STK35: variants seen among roughly 807,000 people sequenced by gnomAD.
STK35 encodes serine/threonine-protein kinase 35.
A neutral mutation model predicts 37.3 loss-of-function variants in STK35; 17 were observed. That is an observed-to-expected ratio of 0.46 (90% confidence interval 0.31 to 0.68). STK35 has a LOEUF of 0.68. Ranked by LOEUF, STK35 falls within the 30% of genes least tolerant of loss-of-function variation. STK35 has a pLI of 0.05. For missense variants in STK35, 595 were observed against 746.7 expected, an observed-to-expected ratio of 0.80 and a Z score of 2.37; for synonymous variants, 385 against 319.1, an observed-to-expected ratio of 1.21 and a Z score of -2.20.
chr20:2,116,125 A>G (rs1600604756), intron 2 of STK35, among the ~76,000 whole-genome samples: 1 of 152,132 alleles, frequency 6.6e-6, no homozygotes, highest in South Asian at 2.1e-4. Flanking sequence ...TGCAGAAAAT[A>G]TTGATGGATC....
intron 1 of STK35, 117 bp downstream of exon 1, chr20:2,102,292 T>C: frequency 7.6e-7 from 1 of 1,311,080 alleles, no homozygotes; most frequent in Admixed American, 3.3e-5. Flanking sequence ...GAAGCCGAAC[T>C]TTTCAGCCAA....
At chr20:2,103,635 C>T (rs573173887) in intron 2 of STK35, among the ~76,000 whole-genome samples, 19 of 152,262 alleles carry the variant, frequency 1.2e-4, no homozygotes, top group East Asian at 7.7e-4. Context: ...TCAAGAATTG[C>T]GAGCTATGGT....
At chr20:2,133,674 C>T (rs1191322660) in intron 3 of STK35, among the ~76,000 whole-genome samples, 1 of 152,240 alleles carries the variant, frequency 6.6e-6, no homozygotes, top group East Asian at 1.9e-4. Flanking sequence ...CTGGTCACCA[C>T]GGAGACCTCC....
intron 3 of STK35, among the ~76,000 whole-genome samples, chr20:2,122,200 G>A (rs1985830857): frequency 6.6e-6 from 1 of 152,088 alleles, no homozygotes; most frequent in African/African-American, 2.4e-5. Context: ...CAGGTGTGGT[G>A]GCACATGCCA....
chr20:2,134,700 T>C (rs973438325), intron 3 of STK35, among the ~76,000 whole-genome samples: 1 of 151,890 alleles, frequency 6.6e-6, no homozygotes, highest in African/African-American at 2.4e-5. Context: ...AGACCAGCCT[T>C]GCCAACATGG....
Position 2,102,245 on chromosome 20 carries a change from G to T in STK35, c.294+70G>T, listed in dbSNP as rs958660546. 3.6e-6 allele frequency: 5 copies of T among 1,384,398 alleles called. No individual in the cohort carries two copies. In the African/African-American group the frequency reaches 7.6e-5, roughly 21 times the overall value. 85.8% of individuals were successfully genotyped at this position (1,384,398 alleles called of 1,614,324 possible). On this transcript the variant is annotated intron_variant, in intron 1 of 3. Transcript: ENST00000381482. ...GTTACTGCCACTGCCTCCGCGCTTGGGAAGGGAAATCGGGTCCTCGGCCAG... is the reference window on the plus strand; with the variant it reads ...GTTACTGCCACTGCCTCCGCGCTTGTGAAGGGAAATCGGGTCCTCGGCCAG...
intron 3 of STK35, among the ~76,000 whole-genome samples, chr20:2,126,175 TA>T (rs774036185): frequency 2.1e-4 from 32 of 152,338 alleles, no homozygotes; most frequent in Non-Finnish European, 3.8e-4. Context: ...TGGCTGCCCA[TA>T]GCCCTGTGTC....
rs1042172188 is a variant in STK35, at chr20:2,148,244, G to T, written c.*4498G>T. On this transcript the variant is annotated 3_prime_UTR_variant, in exon 4 of 4. Transcript: ENST00000381482. ...GCAGTGACTTCTTAAACATTTGTGTGGGACAGACGAGCGTGAGGGAGGTTT... is the reference window on the plus strand; with the variant it reads ...GCAGTGACTTCTTAAACATTTGTGTTGGACAGACGAGCGTGAGGGAGGTTT... The T allele has an allele frequency of 3.3e-5, 5 of 152,678 alleles. No homozygotes were observed. Among genetic ancestry groups the T allele is most frequent in the African/African-American group, 1.2e-4 (5 of 41,470 alleles). 9.5% of individuals were successfully genotyped at this position (152,678 alleles called of 1,614,324 possible).
chr20:2,118,037 C>A (rs922762927), intron 3 of STK35, among the ~76,000 whole-genome samples: 1 of 152,164 alleles, frequency 6.6e-6, no homozygotes, highest in African/African-American at 2.4e-5. Flanking sequence ...AAGAGGTAGA[C>A]AGGTTTTCAG....
At chr20:2,120,247 A>G (rs1335690222) in intron 3 of STK35, among the ~76,000 whole-genome samples, 1 of 152,186 alleles carries the variant, frequency 6.6e-6, no homozygotes, top group Non-Finnish European at 1.5e-5. Context: ...TTCCATGTGG[A>G]TATCCACACT....
chr20:2,124,059 G>C (rs1306469492), intron 3 of STK35, among the ~76,000 whole-genome samples: 1 of 152,192 alleles, frequency 6.6e-6, no homozygotes, highest in Non-Finnish European at 1.5e-5. Context: ...TTGAACCCAG[G>C]AGTCAGTCCA....
At chr20:2,112,739 T>G (rs918432186) in intron 2 of STK35, among the ~76,000 whole-genome samples, 7 of 152,208 alleles carry the variant, frequency 4.6e-5, no homozygotes, top group Non-Finnish European at 1.0e-4. Context: ...CACAGGCTAA[T>G]TTACCTCAAA....
At chr20:2,130,823 C>G (rs778331683) in intron 3 of STK35, among the ~76,000 whole-genome samples, 2 of 152,110 alleles carry the variant, frequency 1.3e-5, no homozygotes, top group Non-Finnish European at 2.9e-5. Flanking sequence ...CTTATCTGGA[C>G]GGTCAGCCAG....
chr20:2,122,906 A>G (rs1439454305), intron 3 of STK35, among the ~76,000 whole-genome samples: 3 of 152,206 alleles, frequency 2.0e-5, no homozygotes, highest in African/African-American at 7.2e-5. Context: ...CCAGAAAAGT[A>G]TATCTATTTT....
chr20:2,140,744 T>G (rs1238379560), intron 3 of STK35, among the ~76,000 whole-genome samples: 1 of 152,178 alleles, frequency 6.6e-6, no homozygotes, highest in Non-Finnish European at 1.5e-5. Context: ...TTGGGAAATG[T>G]CAGCTTCACT....
intron 3 of STK35, among the ~76,000 whole-genome samples, chr20:2,142,388 TGGTGTTGTC>T (rs959953431): frequency 7.0e-4 from 107 of 152,084 alleles, no homozygotes; most frequent in Non-Finnish European, 1.1e-3. Context: ...GACAACGAGC[TGGTGTTGTC>T]AGCCCGCACA....
At position 2,144,719 on chromosome 20, in the gene STK35, G is replaced by A. The variant is rs535366474; in HGVS notation, c.*973G>A. 6.5e-6 allele frequency: 1 copy of A among 153,130 alleles called. No individual in the cohort carries two copies. The highest frequency in any genetic ancestry group is 6.5e-5 in the Admixed American group (1 of 15,310). 9.5% of individuals were successfully genotyped at this position (153,130 alleles called of 1,614,324 possible). ...TGCCTCCTGGATTGTCATCTTCCCA[G>A]ATGTGTCCCATAGTGTCCAGGTGTC... On this transcript the variant is annotated 3_prime_UTR_variant, in exon 4 of 4. Transcript: ENST00000381482.
At chr20:2,123,116 CA>C (rs1028237903) in intron 3 of STK35, among the ~76,000 whole-genome samples, 3 of 152,124 alleles carry the variant, frequency 2.0e-5, no homozygotes, top group African/African-American at 7.2e-5. Context: ...CATTCATGGC[CA>C]AGTCTGCTGT....
rs1170192774 is a variant in STK35, at chr20:2,115,993, C to G, written c.893-673C>G. On this transcript the variant is annotated intron_variant, in intron 2 of 3. Coordinates refer to ENST00000381482, the MANE Select transcript of STK35 (RefSeq NM_080836.4). ...GCTTCACTGTTTGTAGTAGTTGAGC[C>G]TGATGGCGATGTACAGCTTTTGATG... is the stretch of plus-strand genomic sequence containing the variant. 2.0e-5 allele frequency among the ~76,000 whole-genome samples: 3 copies of G among 152,112 alleles called. No homozygotes were observed. The East Asian group carries it at 5.8e-4, about 29-fold the overall frequency.
Sources: allele counts gnomAD v4.1 joint callset (sites outside exome capture counted in the v4.1 genomes callset), GRCh38; gene constraint gnomAD v4.1.1; transcripts MANE v1.5; gene names NCBI Gene and HGNC (gene_info 2026-07-23, HGNC 2026-07-21).